TMEM135: variants seen among roughly 807,000 people sequenced by gnomAD.
The protein encoded by TMEM135 is transmembrane protein 135.
A neutral mutation model predicts 60.3 loss-of-function variants in TMEM135; 30 were observed. The observed-to-expected ratio is 0.50, with a 90% confidence interval of 0.37 to 0.68. The LOEUF is 0.68. Among genes scored for constraint, TMEM135 ranks in the 30% least tolerant of loss-of-function variants. The pLI is 0.00. For missense variants in TMEM135, 468 were observed against 548.8 expected, an observed-to-expected ratio of 0.85 and a Z score of 1.47; for synonymous variants, 190 against 186.7, an observed-to-expected ratio of 1.02 and a Z score of -0.14.
At chr11:87,049,581 A>G (rs1393170443) in intron 1 of TMEM135, among the ~76,000 whole-genome samples, 1 of 126,266 alleles carries the variant, frequency 7.9e-6, no homozygotes, top group East Asian at 2.2e-4. Flanking sequence ...GCCATTACAT[A>G]ATGGTAAAGG....
chr11:87,092,785 T>C (rs376438583), intron 4 of TMEM135, among the ~76,000 whole-genome samples: 1 of 152,244 alleles, frequency 6.6e-6, no homozygotes, highest in African/African-American at 2.4e-5. Context: ...TTATCTTTGT[T>C]CTCTGTGGTT....
In TMEM135 at chr11:87,162,092, G is replaced by A. The variant is rs1310824018; in HGVS notation, c.462+4686G>A. On this transcript the variant is annotated intron_variant, in intron 5 of 14. Transcript: ENST00000305494. ...TACTAAACTTCAAAAGAATAAGCAA[G>A]TATATGGATTAAAAGCTCAGGTAAT... is the stretch of plus-strand genomic sequence containing the variant. Among the ~76,000 whole-genome samples, 3 of 152,206 alleles carry A rather than the reference G, an allele frequency of 2.0e-5. 1 individual carries two copies. Among genetic ancestry groups the A allele is most frequent in the South Asian group, 4.1e-4 (2 of 4,824 alleles).
intron 5 of TMEM135, among the ~76,000 whole-genome samples, chr11:87,184,161 C>G (rs1215505805): frequency 6.6e-6 from 1 of 151,878 alleles, no homozygotes; most frequent in African/African-American, 2.4e-5. Flanking sequence ...AAATTAAAAC[C>G]TTGTCTCTGA....
intron 4 of TMEM135, among the ~76,000 whole-genome samples, chr11:87,098,228 A>C (rs1005806092): frequency 2.6e-5 from 4 of 152,134 alleles, no homozygotes; most frequent in Non-Finnish European, 5.9e-5. Context: ...TAGCGTTCCA[A>C]TAATGGAACA....
chr11:87,124,202 A>G (rs1323590857), intron 4 of TMEM135, among the ~76,000 whole-genome samples: 1 of 152,194 alleles, frequency 6.6e-6, no homozygotes, highest in East Asian at 1.9e-4. Flanking sequence ...AAAAATAGGA[A>G]TTAAGGGGAA....
At chr11:87,236,297 G>A (rs1940993978) in intron 5 of TMEM135, among the ~76,000 whole-genome samples, 3 of 151,724 alleles carry the variant, frequency 2.0e-5, no homozygotes, top group Admixed American at 2.0e-4. Flanking sequence ...GGGCCACATT[G>A]GAAGAAGAAA....
intron 1 of TMEM135, among the ~76,000 whole-genome samples, chr11:87,062,116 C>T (rs986758370): frequency 6.6e-6 from 1 of 152,084 alleles, no homozygotes; most frequent in African/African-American, 2.4e-5. Context: ...AGCAATTCTC[C>T]TGCCTCAGCC....
intron 6 of TMEM135, among the ~76,000 whole-genome samples, chr11:87,292,250 A>G (rs537479191): frequency 6.7e-6 from 1 of 149,744 alleles, no homozygotes; most frequent in South Asian, 2.1e-4. Flanking sequence ...GTTTTGTTTT[A>G]TTTTGTTTTT....
chr11:87,315,209 G>T (rs563129384), intron 12 of TMEM135, among the ~76,000 whole-genome samples: 1 of 151,274 alleles, frequency 6.6e-6, no homozygotes, highest in African/African-American at 2.4e-5. Flanking sequence ...ACATTTATTT[G>T]TTGAAGATGT....
chr11:87,168,486 G>A (rs940090508), intron 5 of TMEM135, among the ~76,000 whole-genome samples: 12 of 152,138 alleles, frequency 7.9e-5, no homozygotes, highest in African/African-American at 2.9e-4. Context: ...CTGTGTCCCA[G>A]AGATTCTGGT....
chr11:87,096,546 T>C (rs1320434862), intron 4 of TMEM135: 1 of 152,260 alleles, frequency 6.6e-6, no homozygotes, highest in Non-Finnish European at 1.5e-5. Context: ...ATTATTCATA[T>C]TTGGAATAGT....
intron 5 of TMEM135, among the ~76,000 whole-genome samples, chr11:87,176,116 A>T (rs1376172348): frequency 6.6e-6 from 1 of 152,070 alleles, no homozygotes; most frequent in African/African-American, 2.4e-5. Context: ...AAATTTGATC[A>T]CCAGTGTTGG....
chr11:87,180,709 A>G (rs555216316), intron 5 of TMEM135, among the ~76,000 whole-genome samples: 1 of 152,162 alleles, frequency 6.6e-6, no homozygotes, highest in Non-Finnish European at 1.5e-5. Flanking sequence ...GGGAAACTGA[A>G]TTGACTTTGA....
chr11:87,258,651 C>T (rs1362767642), intron 6 of TMEM135, among the ~76,000 whole-genome samples: 1 of 152,046 alleles, frequency 6.6e-6, no homozygotes, highest in African/African-American at 2.4e-5. Flanking sequence ...AGAGTGAAGA[C>T]TGAAGTAAGT....
chr11:87,243,995 G>A (rs1370989779), intron 6 of TMEM135, among the ~76,000 whole-genome samples: 3 of 84,374 alleles, frequency 3.6e-5, no homozygotes, highest in African/African-American at 9.0e-5. Flanking sequence ...GTTTGTCATA[G>A]ATAGCTCTTA....
At chr11:87,220,802 A>G (rs1940602219) in intron 5 of TMEM135, among the ~76,000 whole-genome samples, 1 of 152,234 alleles carries the variant, frequency 6.6e-6, no homozygotes. Flanking sequence ...GTGATTAAAA[A>G]GAATTTTTAA....
chr11:87,147,609 G>C (rs981741718), intron 4 of TMEM135, among the ~76,000 whole-genome samples: 3 of 152,148 alleles, frequency 2.0e-5, no homozygotes, highest in Non-Finnish European at 4.4e-5. Flanking sequence ...TATCACCTCA[G>C]CATACATCCT....
At chr11:87,138,945 T>C (rs936916500) in intron 4 of TMEM135, among the ~76,000 whole-genome samples, 6 of 152,218 alleles carry the variant, frequency 3.9e-5, no homozygotes, top group African/African-American at 1.4e-4. Flanking sequence ...AACTTACTTA[T>C]CTTGGATCCC....
At chr11:87,157,254 T>C in intron 4 of TMEM135, 87 bp from the exon 5 acceptor site, 2 of 1,226,874 alleles carry the variant, frequency 1.6e-6, no homozygotes, top group South Asian at 2.5e-5. Context: ...TAGTATTGAA[T>C]GTTTTTCACA....
Sources: allele counts gnomAD v4.1 joint callset (sites outside exome capture counted in the v4.1 genomes callset), GRCh38; gene constraint gnomAD v4.1.1; transcripts MANE v1.5; gene names NCBI Gene and HGNC (gene_info 2026-07-23, HGNC 2026-07-21).